NEBL: variants seen among roughly 807,000 people sequenced by gnomAD.
NEBL encodes the protein nebulette, also known as LIM and SH3 protein 2.
A neutral mutation model predicts 140.2 loss-of-function variants in NEBL; 122 were observed. The ratio of observed to expected loss-of-function variants is 0.87; its 90% CI spans 0.75 to 1.01. The LOEUF (loss-of-function observed/expected upper bound fraction) is 1.01. Ranked by LOEUF, NEBL falls within the 50% of genes least tolerant of loss-of-function variation. NEBL has a pLI of 0.00. For synonymous variants in NEBL, 436 were observed against 398.9 expected (o/e 1.09, Z -1.11); for missense variants, 1,365 against 1,231.3 (o/e 1.11, Z -1.62).
chr10:21,000,087 G>A (rs935879802), intron 3 of NEBL, among the ~76,000 whole-genome samples: 5 of 151,242 alleles, frequency 3.3e-5, no homozygotes, highest in South Asian at 2.1e-4. Context: ...AAGGCGGCCC[G>A]TGGCAGTGTC....
chr10:20,947,833 A>G (rs1028042877), intron 4 of NEBL, among the ~76,000 whole-genome samples: 1 of 152,218 alleles, frequency 6.6e-6, no homozygotes, highest in African/African-American at 2.4e-5. Flanking sequence ...ATAGAAAAGA[A>G]TTCAACAAAC....
At chr10:21,031,362 G>A (rs1296115036) in intron 2 of NEBL, among the ~76,000 whole-genome samples, 1 of 152,164 alleles carries the variant, frequency 6.6e-6, no homozygotes, top group African/African-American at 2.4e-5. Flanking sequence ...GTTTCCCCTA[G>A]CAGAGGGAAC....
chr10:20,880,301 A>G (rs977146377), intron 5 of NEBL, among the ~76,000 whole-genome samples: 3 of 152,236 alleles, frequency 2.0e-5, no homozygotes, highest in African/African-American at 7.2e-5. Flanking sequence ...CAGAGGTTGC[A>G]GTGAGCCAAG....
At chr10:21,123,905 T>C (rs925905983) in intron 2 of NEBL, among the ~76,000 whole-genome samples, 56 of 151,940 alleles carry the variant, frequency 3.7e-4, no homozygotes, top group Non-Finnish European at 7.4e-4. Context: ...TAAGTTCTTT[T>C]TTTTTTTTAA....
At chr10:20,849,365 T>A (rs1842278819) in intron 11 of NEBL, among the ~76,000 whole-genome samples, 1 of 152,152 alleles carries the variant, frequency 6.6e-6, no homozygotes, top group Admixed American at 6.5e-5. Flanking sequence ...ATCAATCAAA[T>A]ACGCCGCCTA....
intron 2 of NEBL, among the ~76,000 whole-genome samples, chr10:21,028,821 A>C (rs1277122436): frequency 3.9e-5 from 6 of 152,200 alleles, no homozygotes; most frequent in Non-Finnish European, 7.3e-5. Context: ...AATAAACAGG[A>C]CAAATAGAAA....
At chr10:21,010,664 T>A (rs1838303537) in intron 3 of NEBL, among the ~76,000 whole-genome samples, 1 of 152,122 alleles carries the variant, frequency 6.6e-6, no homozygotes, top group Non-Finnish European at 1.5e-5. Flanking sequence ...CATAAAAGTA[T>A]ACAAATATAT....
At chr10:21,057,272 G>C (rs1444692939) in intron 2 of NEBL, among the ~76,000 whole-genome samples, 9 of 152,018 alleles carry the variant, frequency 5.9e-5, no homozygotes, top group African/African-American at 2.2e-4. Context: ...GTTGCTCTTT[G>C]ACTTTTGGCG....
chr10:20,927,571 C>G (rs1222578836), intron 4 of NEBL, among the ~76,000 whole-genome samples: 1 of 152,220 alleles, frequency 6.6e-6, no homozygotes, highest in East Asian at 1.9e-4. Flanking sequence ...TAAAACCATA[C>G]TCTGAGAGTC....
chr10:21,004,009 G>GT (rs1838014892), intron 3 of NEBL, among the ~76,000 whole-genome samples: 1 of 152,096 alleles, frequency 6.6e-6, no homozygotes, highest in Non-Finnish European at 1.5e-5. Context: ...AAAAATTCTG[G>GT]TTTGATTCCT....
chr10:21,014,327 G>A (rs1415842147), intron 3 of NEBL, among the ~76,000 whole-genome samples: 1 of 151,988 alleles, frequency 6.6e-6, no homozygotes, highest in Admixed American at 6.6e-5. Flanking sequence ...TCTCCCACTA[G>A]ACCATAAACC....
At chr10:21,120,422 A>ATG (rs1554826404) in intron 2 of NEBL, among the ~76,000 whole-genome samples, 8 of 87,184 alleles carry the variant, frequency 9.2e-5, no homozygotes, top group Non-Finnish European at 1.1e-4. Flanking sequence ...ATATATATAT[A>ATG]TAAATTTGAT....
chr10:21,166,257 AAAAT>A lies in NEBL; in HGVS notation c.164+6122_164+6125del, dbSNP rs1412478239. On this transcript the variant is annotated intron_variant, in intron 2 of 6. Coordinates refer to the NEBL transcript ENST00000417816. ...AAAAAAAAAAAAAAGAAAAGAAAAAAAAATTTTCTACATCATGATCCAGTACACA... is the reference window on the plus strand; with the variant it reads ...AAAAAAAAAAAAAAGAAAAGAAAAAATTTCTACATCATGATCCAGTACACA... Among the ~76,000 whole-genome samples, 342 of 102,376 alleles carry A rather than the reference AAAAT, an allele frequency of 3.3e-3. 19 individuals are homozygous for A. Among genetic ancestry groups the A allele is most frequent in the Middle Eastern group, 7.9e-3 (2 of 254 alleles). The allele number at this position is 102,376 out of a possible 152,430, so 67.2% of individuals were successfully genotyped here. A position where few individuals can be genotyped will look rare whatever the true frequency, so the allele number is the denominator to read the frequency against.
intron 4 of NEBL, among the ~76,000 whole-genome samples, chr10:20,957,702 CCTG>C (rs777771036): frequency 8.5e-5 from 13 of 152,116 alleles, no homozygotes; most frequent in Admixed American, 1.3e-4. Flanking sequence ...ACGCAGAAAT[CCTG>C]ACAAATCAAA....
chr10:21,242,308 G>A (rs141696832), intron 3 of NEBL, among the ~76,000 whole-genome samples: 140 of 152,328 alleles, frequency 9.2e-4, no homozygotes, highest in Non-Finnish European at 1.4e-3. Flanking sequence ...ATGAGATCAC[G>A]TGCTTTGCAG....
chr10:20,866,235 T>C (rs1844277123), intron 7 of NEBL, among the ~76,000 whole-genome samples: 1 of 152,128 alleles, frequency 6.6e-6, no homozygotes, highest in Non-Finnish European at 1.5e-5. Context: ...TGGGGAGTTA[T>C]TATTTAACGG....
intron 2 of NEBL, among the ~76,000 whole-genome samples, chr10:21,166,985 G>A (rs1419278876): frequency 6.6e-6 from 1 of 152,140 alleles, no homozygotes. Context: ...TTACCCTTAG[G>A]AAAGGCACTA....
intron 9 of NEBL, among the ~76,000 whole-genome samples, chr10:20,856,948 T>C (rs1843140298): frequency 6.6e-6 from 1 of 152,056 alleles, no homozygotes; most frequent in Non-Finnish European, 1.5e-5. Flanking sequence ...CCTGCCTCAG[T>C]CTCCTGAGTA....
chr10:20,792,719 G>A (rs929866796), intron 26 of NEBL, among the ~76,000 whole-genome samples: 11 of 151,786 alleles, frequency 7.2e-5, no homozygotes, highest in Admixed American at 6.6e-4. Context: ...AGAATTGTTT[G>A]AACCTGTGAA....
Sources: allele counts gnomAD v4.1 joint callset (sites outside exome capture counted in the v4.1 genomes callset), GRCh38; gene constraint gnomAD v4.1.1; transcripts MANE v1.5; gene names NCBI Gene and HGNC (gene_info 2026-07-23, HGNC 2026-07-21).